The following FAM3C variants were observed in gnomAD, a reference collection of about 807,000 sequenced individuals.
The protein encoded by FAM3C is FAM3 metabolism regulating signaling molecule C.
A neutral mutation model predicts 32.5 loss-of-function variants in FAM3C; 15 were observed. That is an observed-to-expected ratio of 0.46 (90% CI 0.31 to 0.71). FAM3C has a LOEUF of 0.71. Among genes scored for constraint, FAM3C ranks in the 30% least tolerant of loss-of-function variants. The probability of loss-of-function intolerance (pLI) is 0.05; values close to 1 mark genes in which losing one functional copy is unlikely to be tolerated. For missense variants in FAM3C, 175 were observed against 274.4 expected (o/e 0.64, Z 2.56); for synonymous variants, 75 against 86.1 (o/e 0.87, Z 0.72).
At chr7:121,371,042 T>C (rs1048839864) in intron 5 of FAM3C, among the ~76,000 whole-genome samples, 7 of 152,196 alleles carry the variant, frequency 4.6e-5, no homozygotes, top group Non-Finnish European at 7.4e-5. Flanking sequence ...ACAGTGCAGA[T>C]CTAGAGAATT....
At chr7:121,353,357 G>T (rs931204331) in intron 8 of FAM3C, among the ~76,000 whole-genome samples, 1 of 152,150 alleles carries the variant, frequency 6.6e-6, no homozygotes, top group African/African-American at 2.4e-5. Flanking sequence ...TCAAGCCAGA[G>T]ATCAAGGAGA....
intron 8 of FAM3C, among the ~76,000 whole-genome samples, chr7:121,357,949 C>G (rs537820734): frequency 1.5e-3 from 225 of 152,222 alleles, no homozygotes; most frequent in Admixed American, 3.8e-3. Context: ...TTTGTCAAGT[C>G]AGAAAAGTGG....
chr7:121,365,344 G>A (rs1562886253), intron 5 of FAM3C, among the ~76,000 whole-genome samples: 1 of 152,122 alleles, frequency 6.6e-6, no homozygotes, highest in Non-Finnish European at 1.5e-5. Context: ...AATGATGACT[G>A]AATCAGATAA....
intron 4 of FAM3C, 138 bp from the exon 5 acceptor site, chr7:121,371,561 G>T (rs2536155): frequency 0.2 from 185,820 of 940,356 alleles, 21,371 homozygotes; most frequent in African/African-American, 0.44. Context: ...AAGCTAATTT[G>T]TTCCCCTGAG....
intron 1 of FAM3C, among the ~76,000 whole-genome samples, chr7:121,395,861 C>T (rs1794682466): frequency 6.6e-6 from 1 of 151,898 alleles, no homozygotes; most frequent in Admixed American, 6.6e-5. Context: ...CGCCCCAGGC[C>T]GGGGCGCCGA....
chr7:121,361,582 T>C (rs1793924169), intron 7 of FAM3C, among the ~76,000 whole-genome samples: 1 of 152,240 alleles, frequency 6.6e-6, no homozygotes, highest in Non-Finnish European at 1.5e-5. Flanking sequence ...TTTATGCCTT[T>C]AGAATCTAAA....
In FAM3C at chr7:121,355,517, C is replaced by T. The variant is rs192617326; in HGVS notation, c.468-4248G>A. On this transcript the variant is annotated intron_variant, in intron 8 of 9. Transcript: ENST00000359943. The stretch of plus-strand genomic sequence containing the variant: ...GGAAAGAAAGGGAAATAAAGGGGAA[C>T]TAGTGGGAAGGAGAGGGAAATAAGT... Among the ~76,000 whole-genome samples, 534 of 152,198 alleles carry T rather than the reference C, an allele frequency of 3.5e-3. 2 individuals are homozygous for T. Among genetic ancestry groups the T allele is most frequent in the Non-Finnish European group, 5.8e-3 (391 of 67,980 alleles).
intron 1 of FAM3C, among the ~76,000 whole-genome samples, chr7:121,393,834 C>T (rs1468892391): frequency 2.0e-5 from 3 of 152,150 alleles, no homozygotes; most frequent in African/African-American, 7.2e-5. Context: ...TTAGTCAATG[C>T]CACTCTTGAA....
At chr7:121,390,642 C>T (rs1343064363) in intron 1 of FAM3C, among the ~76,000 whole-genome samples, 2 of 151,918 alleles carry the variant, frequency 1.3e-5, no homozygotes, top group African/African-American at 2.4e-5. Flanking sequence ...TACAGGGTTA[C>T]CTATAGCATG....
intron 1 of FAM3C, among the ~76,000 whole-genome samples, 151 bp downstream of exon 1, chr7:121,396,011 C>T (rs1360642170): frequency 6.6e-6 from 1 of 151,112 alleles, no homozygotes; most frequent in Non-Finnish European, 1.5e-5. Context: ...CCGGACACGC[C>T]GTGACAACGC....
At chr7:121,377,658 T>A (rs1794265564) in intron 3 of FAM3C, among the ~76,000 whole-genome samples, 1 of 152,206 alleles carries the variant, frequency 6.6e-6, no homozygotes, top group South Asian at 2.1e-4. Context: ...CCTAATGACA[T>A]TTCAGTCAAC....
intron 3 of FAM3C, among the ~76,000 whole-genome samples, chr7:121,375,026 G>C (rs1384281991): frequency 3.9e-5 from 6 of 152,088 alleles, no homozygotes; most frequent in African/African-American, 1.4e-4. Flanking sequence ...CTAGATGCTG[G>C]GTGAAGCACC....
intron 3 of FAM3C, among the ~76,000 whole-genome samples, chr7:121,372,898 T>C (rs1426060494): frequency 1.3e-5 from 2 of 152,194 alleles, no homozygotes; most frequent in Non-Finnish European, 2.9e-5. Context: ...TTTTAGATAA[T>C]TGTGAACTTC....
chr7:121,371,558 T>G, intron 4 of FAM3C, 135 bp from the exon 5 acceptor site: 1 of 989,052 alleles, frequency 1.0e-6, no homozygotes, highest in Non-Finnish European at 1.4e-6. Flanking sequence ...TACAAGCTAA[T>G]TTGTTCCCCT....
At chr7:121,368,400 G>A (rs1232775506) in intron 5 of FAM3C, among the ~76,000 whole-genome samples, 1 of 152,164 alleles carries the variant, frequency 6.6e-6, no homozygotes, top group African/African-American at 2.4e-5. Context: ...CAGGTGCTGT[G>A]AAAAGACTAA....
At chr7:121,369,090 G>A (rs568648998) in intron 5 of FAM3C, among the ~76,000 whole-genome samples, 2 of 148,512 alleles carry the variant, frequency 1.3e-5, no homozygotes, top group East Asian at 2.0e-4. Flanking sequence ...AGAGATTCTC[G>A]TGCCTCAGCC....
intron 3 of FAM3C, among the ~76,000 whole-genome samples, chr7:121,375,650 G>A (rs1192123691): frequency 1.3e-5 from 2 of 152,146 alleles, no homozygotes; most frequent in African/African-American, 2.4e-5. Flanking sequence ...GGTGAGGACA[G>A]ACATGACTGG....
At chr7:121,379,666 T>C (rs928836870) in intron 2 of FAM3C, among the ~76,000 whole-genome samples, 3 of 152,134 alleles carry the variant, frequency 2.0e-5, no homozygotes, top group Admixed American at 6.6e-5. Flanking sequence ...AAGCTCCAAG[T>C]GCGCAGACTC....
intron 8 of FAM3C, among the ~76,000 whole-genome samples, chr7:121,356,513 G>C (rs979210088): frequency 1.3e-5 from 2 of 152,126 alleles, no homozygotes; most frequent in African/African-American, 4.8e-5. Context: ...AATTTAGAGG[G>C]AGACCACTCT....
Sources: allele counts gnomAD v4.1 joint callset (sites outside exome capture counted in the v4.1 genomes callset), GRCh38; gene constraint gnomAD v4.1.1; transcripts MANE v1.5; gene names NCBI Gene and HGNC (gene_info 2026-07-23, HGNC 2026-07-21).